PITRM1: variants seen among roughly 807,000 people sequenced by gnomAD.
PITRM1 encodes presequence protease, mitochondrial.
In PITRM1, 100 loss-of-function variants were observed where a neutral mutation model predicts 129.9. The ratio of observed to expected loss-of-function variants is 0.77; its 90% confidence interval spans 0.65 to 0.91. The LOEUF (loss-of-function observed/expected upper bound fraction) is 0.91, where lower values mean the gene tolerates loss of function less well. PITRM1 is among the 40% of genes least tolerant of loss of function. The pLI is 0.00. For missense variants in PITRM1, 1,471 were observed against 1,318.3 expected (o/e 1.12, Z -1.79); for synonymous variants, 591 against 508.8 (o/e 1.16, Z -2.17).
At position 3,148,015 on chromosome 10, in the gene PITRM1, T is replaced by C. The variant is rs181357311; in HGVS notation, c.2041A>G (p.Met681Val). The C allele has an allele frequency of 1.3e-5, 21 of 1,613,436 alleles. No homozygotes were observed. The Admixed American group carries it at 1.7e-4, about 13-fold the overall frequency. ...TTAAATATTTCACTCCATAGCTGCA[T>C]CATGTCTGGCAGGTTTCGATCCAGG... ...LCLDRNLPDM[M>V]QLWSEIFNNP... The change falls in exon 18 of 27, where the codon ATG (methionine) becomes GTG (valine). Residue 681 changes from methionine to valine, a missense_variant. By Grantham distance (21) the Met-to-Val change is conservative (BLOSUM62 1). Transcript: ENST00000224949.
rs1021098027 is a variant in PITRM1, at chr10:3,168,749, G to A, written c.159+1355C>T. On this transcript the variant is annotated intron_variant, in intron 2 of 26. Transcript: ENST00000224949. Reference sequence around the variant, plus strand: ...TGTTTCCTGAGGCCTCCCCAGCCATGCAGAACTGTGAGTCAATTAAACCTC... The same window carrying A: ...TGTTTCCTGAGGCCTCCCCAGCCATACAGAACTGTGAGTCAATTAAACCTC... 2.0e-5 allele frequency among the ~76,000 whole-genome samples: 3 copies of A among 152,174 alleles called. No individual in the cohort carries two copies. The South Asian group carries it at 6.2e-4, about 32-fold the overall frequency.
chr10:3,148,282 G>T lies in PITRM1; in HGVS notation c.1881C>A (p.Cys627Ter), dbSNP rs372900610. The T allele has an allele frequency of 1.9e-6, 3 of 1,610,508 alleles. No individual in the cohort carries two copies. Among genetic ancestry groups the T allele is most frequent in the Non-Finnish European group, 2.5e-6 (3 of 1,178,142 alleles). Reference sequence around the variant, plus strand: ...CCTGCTCCCGGTAGTCAAGAAGGCCGCAGCCCAGCCTGACACAGCAGAGAA... The same window carrying T: ...CCTGCTCCCGGTAGTCAAGAAGGCCTCAGCCCAGCCTGACACAGCAGAGAA... ...LFCSVLTKLG[C>*]GLLDYREQAQ... The change falls in exon 17 of 27, where the codon TGC becomes TGA. Residue 627 changes from cysteine (C) to a stop codon, truncating the protein, a stop_gained. Coordinates refer to ENST00000224949, the MANE Select transcript of PITRM1 (RefSeq NM_014889.4). LOFTEE classifies it high-confidence loss of function.
chr10:3,145,616 C>G lies in PITRM1; in HGVS notation c.2437G>C (p.Val813Leu), dbSNP rs751078297. 1 of 1,549,844 alleles carries G rather than the reference C, an allele frequency of 6.5e-7. No homozygotes were observed. Among genetic ancestry groups the G allele is most frequent in the African/African-American group, 1.4e-5 (1 of 72,992 alleles). Residue 813 changes from valine (V) to leucine (L), a missense_variant, in exon 21 of 27, where the codon GTG becomes CTG. Coordinates refer to ENST00000224949, the MANE Select transcript of PITRM1 (RefSeq NM_014889.4). Reference protein sequence around the residue: ...IGRSKKERRPVRPHTVEKPVP... With the variant: ...IGRSKKERRPLRPHTVEKPVP... The stretch of plus-strand genomic sequence containing the variant: ...CATACCTCGACCGTGTGTGGGCGCA[C>G]AGGCCTCCGTTCCTTTTTACTCCGA...
At chr10:3,156,901 T>C (rs1162532932) in intron 13 of PITRM1, 29 bp downstream of exon 13, 3 of 1,431,076 alleles carry the variant, frequency 2.1e-6, no homozygotes, top group Non-Finnish European at 2.8e-6. Flanking sequence ...ACTTCAAAAT[T>C]AGAGAAATGA....
intron 24 of PITRM1, 36 bp from the exon 25 acceptor site, chr10:3,139,085 T>C: frequency 6.3e-7 from 1 of 1,596,418 alleles, no homozygotes; most frequent in Non-Finnish European, 8.6e-7. Flanking sequence ...GCAAGCATTT[T>C]ACCAGTGGAC....
At chr10:3,138,791 G>A in intron 25 of PITRM1, 113 bp downstream of exon 25, 1 of 972,818 alleles carries the variant, frequency 1.0e-6, no homozygotes, top group Non-Finnish European at 1.7e-6. Context: ...TCACAAGCAA[G>A]GATGGAGGCA....
chr10:3,145,306 C>CT, intron 21 of PITRM1: 1 of 376,438 alleles, frequency 2.7e-6, no homozygotes, highest in Non-Finnish European at 4.8e-6. Flanking sequence ...GGCCATTCCT[C>CT]TGCCAGCGTA....
chr10:3,172,624 C>T (rs1165818708), intron 1 of PITRM1, 93 bp downstream of exon 1: 5 of 1,160,482 alleles, frequency 4.3e-6, no homozygotes, highest in Non-Finnish European at 4.7e-6. Flanking sequence ...CAGCCCCGGG[C>T]GCAGGGACGA....
At position 3,138,444 on chromosome 10, in the gene PITRM1, G is replaced by C. The variant is rs527895370; in HGVS notation, c.2918-107C>G. 6.1e-5 allele frequency: 47 copies of C among 766,042 alleles called. No individual in the cohort carries two copies. In the South Asian group the frequency reaches 7.0e-4, roughly 11 times the overall value. 47.5% of individuals were successfully genotyped at this position (766,042 alleles called of 1,614,324 possible). A position where few individuals can be genotyped will look rare whatever the true frequency, so the allele number is the denominator to read the frequency against. On this transcript the variant is annotated intron_variant, in intron 25 of 26. Coordinates refer to ENST00000224949, the MANE Select transcript of PITRM1 (RefSeq NM_014889.4). ...CACAGGCATCTCACTGTCATTTCAC[G>C]TGCATGTTTCAACCACAGGGATGTG...
At position 3,166,319 on chromosome 10, in the gene PITRM1, C is replaced by T. The variant is rs762882698; in HGVS notation, c.328G>A (p.Val110Ile). The change falls in exon 4 of 27, where the codon GTC (valine) becomes ATC (isoleucine). Residue 110 changes from valine to isoleucine, a missense_variant. Transcript: ENST00000224949. ...TGVPHILEHT[V>I]LCGSQKYPCR... The stretch of plus-strand genomic sequence containing the variant: ...GGATATTTCTGAGACCCACAAAGGA[C>T]GGTATGCTCAAGAATGTGAGGAACA... 1.2e-5 allele frequency: 19 copies of T among 1,610,030 alleles called. No individual in the cohort carries two copies. The highest frequency in any genetic ancestry group is 4.0e-5 in the African/African-American group (3 of 74,156).
intron 2 of PITRM1, chr10:3,167,723 TCTC>T (rs1842991181): frequency 6.6e-6 from 1 of 152,256 alleles, no homozygotes; most frequent in Non-Finnish European, 1.5e-5. Flanking sequence ...GTGCATATCA[TCTC>T]CTGTAGTGCG....
intron 24 of PITRM1, 35 bp downstream of exon 24, chr10:3,140,652 G>A: frequency 6.4e-7 from 1 of 1,571,242 alleles, no homozygotes; most frequent in Non-Finnish European, 8.7e-7. Context: ...AAAACGACGT[G>A]TGCATCCCAA....
chr10:3,143,743 T>A (rs1234783366), intron 22 of PITRM1: 4 of 696,280 alleles, frequency 5.7e-6, no homozygotes, highest in Middle Eastern at 2.3e-4. Flanking sequence ...TGACATGAAG[T>A]CCTCCAATCT....
intron 25 of PITRM1, 157 bp from the exon 26 acceptor site, chr10:3,138,494 C>T (rs555114065): frequency 6.0e-5 from 39 of 651,748 alleles, no homozygotes; most frequent in Non-Finnish European, 8.6e-5. Flanking sequence ...GATCACACCC[C>T]GACCTCCAGC....
chr10:3,166,975 T>C lies in PITRM1; in HGVS notation c.227A>G (p.Tyr76Cys). 1 of 1,610,876 alleles carries C rather than the reference T, an allele frequency of 6.2e-7. No individual in the cohort carries two copies. The highest frequency in any genetic ancestry group is 1.7e-5 in the Admixed American group (1 of 59,822). ...KLTHDDTGARYLHLAREDTNN... is the reference protein window; with the variant it reads ...KLTHDDTGARCLHLAREDTNN... ...CGTGTCTTCTCTGGCCAGGTGTAAA[T>C]ACCTGGCTCCTGTGTCATCATGGGT... The change falls in exon 3 of 27, where the codon TAT becomes TGT. Residue 76 changes from tyrosine to cysteine, a missense_variant. By Grantham distance (194) the Tyr-to-Cys change is radical (BLOSUM62 -2). Transcript: ENST00000224949.
At chr10:3,171,162 A>AAAAAAAAAC in intron 1 of PITRM1, among the ~76,000 whole-genome samples, 1 of 133,172 alleles carries the variant, frequency 7.5e-6, no homozygotes, top group Non-Finnish European at 1.6e-5. Context: ...AAAAAAAAAA[A>AAAAAAAAAC]AAAAAAAAAA....
chr10:3,172,791 G>C, upstream of PITRM1: 2 of 1,493,204 alleles, frequency 1.3e-6, no homozygotes, highest in Non-Finnish European at 1.8e-6. Context: ...ACGAGCACCT[G>C]GCTGGCGAGG....
rs537923637 is a variant in PITRM1 at position 3,151,095 on chromosome 10, A to G, written c.1738+152T>C. 266 of 629,558 alleles carry G rather than the reference A, an allele frequency of 4.2e-4. No individual in the cohort carries two copies. The African/African-American group carries it at 4.3e-3, about 10-fold the overall frequency. 39.0% of individuals were successfully genotyped at this position (629,558 alleles called of 1,614,324 possible). The stretch of plus-strand genomic sequence containing the variant: ...CACCGAGAGTTAAGAACAAGGCAGA[A>G]GAATCGTGTAGAGCGAGACTATGAA... On this transcript the variant is annotated intron_variant, in intron 15 of 26. Coordinates refer to ENST00000224949, the MANE Select transcript of PITRM1 (RefSeq NM_014889.4).
intron 10 of PITRM1, 85 bp downstream of exon 10, chr10:3,158,828 TG>T: frequency 8.0e-7 from 1 of 1,250,150 alleles, no homozygotes; most frequent in South Asian, 1.4e-5. Context: ...CTGTCAAGTG[TG>T]GGGCCGGGAC....
Sources: allele counts gnomAD v4.1 joint callset (sites outside exome capture counted in the v4.1 genomes callset), GRCh38; gene constraint gnomAD v4.1.1; transcripts MANE v1.5; gene names NCBI Gene and HGNC (gene_info 2026-07-23, HGNC 2026-07-21).